The following TBC1D9B variants were observed in gnomAD, a reference collection of about 807,000 sequenced individuals.
TBC1D9B encodes TBC1 domain family, member 9B (with GRAM domain).
In TBC1D9B, 87 loss-of-function variants were observed where a neutral mutation model predicts 121.1. The observed-to-expected ratio is 0.72, with a 90% CI of 0.60 to 0.86. TBC1D9B has a LOEUF of 0.86. Ranked by LOEUF, TBC1D9B falls within the 40% of genes least tolerant of loss-of-function variation. The pLI, the probability that TBC1D9B is intolerant of heterozygous loss-of-function variation, is 0.00. For synonymous variants in TBC1D9B, 668 were observed against 670.1 expected, an observed-to-expected ratio of 1.00 and a Z score of 0.05; for missense variants, 1,540 against 1,628.6, an observed-to-expected ratio of 0.95 and a Z score of 0.94.
rs190675696 is a variant in TBC1D9B at position 179,870,776 on chromosome 5, C to A, written c.2485-281G>T. On this transcript the variant is annotated intron_variant, in intron 15 of 20. Transcript: ENST00000355235. ...CCAGAGAAGGGCTGAGCCTTCCTGG[C>A]AGGGCTCCAGGGAAACAAGAGGCCT... 1.6e-5 allele frequency: 7 copies of A among 442,052 alleles called. No homozygotes were observed. The South Asian group carries it at 2.3e-4, about 15-fold the overall frequency. 27.4% of individuals were successfully genotyped at this position (442,052 alleles called of 1,614,324 possible). A position where few individuals can be genotyped will look rare whatever the true frequency, so the allele number is the denominator to read the frequency against.
chr5:179,889,449 G>A (rs573259263), intron 6 of TBC1D9B, among the ~76,000 whole-genome samples: 112 of 149,114 alleles, frequency 7.5e-4, no homozygotes, highest in African/African-American at 2.8e-3. Flanking sequence ...TGGGAGAGGC[G>A]CACAGAAGGT....
intron 6 of TBC1D9B, among the ~76,000 whole-genome samples, chr5:179,889,387 G>T (rs762975229): frequency 2.6e-5 from 4 of 152,066 alleles, no homozygotes; most frequent in Admixed American, 1.3e-4. Context: ...CTGGGCGCAG[G>T]TCTGAGAGGG....
chr5:179,870,215 A>T, intron 16 of TBC1D9B, 40 bp downstream of exon 16: 1 of 1,608,366 alleles, frequency 6.2e-7, no homozygotes, highest in South Asian at 1.1e-5. Context: ...GGAAAGGGTG[A>T]GGGAGGGTCA....
At chr5:179,879,577 C>T (rs1760469140) in intron 8 of TBC1D9B, 51 bp downstream of exon 8, 1 of 1,612,604 alleles carries the variant, frequency 6.2e-7, no homozygotes, top group East Asian at 2.2e-5. Context: ...AGCTTTCCTC[C>T]TGAGGGCTCC....
At chr5:179,867,303 G>T in intron 18 of TBC1D9B, 11 of 943,482 alleles carry the variant, frequency 1.2e-5, no homozygotes, top group Non-Finnish European at 6.2e-6. Context: ...GGAGTGGCTT[G>T]CTTCTGGGTC....
At chr5:179,880,508 C>A (rs1056874236) in intron 7 of TBC1D9B, among the ~76,000 whole-genome samples, 1 of 152,134 alleles carries the variant, frequency 6.6e-6, no homozygotes, top group African/African-American at 2.4e-5. Flanking sequence ...GCTCTGGTCC[C>A]GTGGCCACGG....
chr5:179,903,966 G>A (rs147414163), intron 2 of TBC1D9B, among the ~76,000 whole-genome samples: 121 of 152,318 alleles, frequency 7.9e-4, no homozygotes, highest in Middle Eastern at 3.4e-3. Flanking sequence ...TGCTTTGAAC[G>A]TGCATGTGTC....
Position 179,907,650 on chromosome 5 carries a change from CGCCGCCAGCCCA to C in TBC1D9B, c.118+42_118+53del, listed in dbSNP as rs1177890774. 4.3e-6 allele frequency: 4 copies of C among 932,170 alleles called. No individual in the cohort carries two copies. Among genetic ancestry groups the C allele is most frequent in the South Asian group, 4.7e-5 (1 of 21,104 alleles). The allele number at this position is 932,170 out of a possible 1,614,324, so 57.7% of individuals were successfully genotyped here. ...CCCGCCCGCCGCCCGCCGCCAGCCC[CGCCGCCAGCCCA>C]GCCGCGGCGCCCACAGGCCCGGCCG... On this transcript the variant is annotated intron_variant, in intron 1 of 20. Transcript: ENST00000355235. This position sits in a 1 kb window ranked among gnomAD's most constrained non-coding sequence, Gnocchi z 5.3.
intron 2 of TBC1D9B, among the ~76,000 whole-genome samples, chr5:179,901,644 G>A (rs912708479): frequency 2.6e-5 from 4 of 152,298 alleles, no homozygotes; most frequent in South Asian, 2.1e-4. Context: ...GCATGGTTGC[G>A]TGGGCCTGCA....
Position 179,874,987 on chromosome 5 carries a change from G to T in TBC1D9B, c.2101C>A (p.Gln701Lys), listed in dbSNP as rs759722234. The change falls in exon 12 of 21, where the codon CAG becomes AAG. Residue 701 changes from glutamine to lysine, a missense_variant. Gln to Lys is a moderately conservative substitution (Grantham distance 53). Coordinates refer to ENST00000355235, the MANE Select transcript of TBC1D9B (RefSeq NM_015043.4). The surrounding 1 kb of genome is among the most constrained non-coding windows in gnomAD (Gnocchi z 4.3). ...FFYEGIKVILQVALAVLDANM... is the reference protein window; with the variant it reads ...FFYEGIKVILKVALAVLDANM... ...GCGTCCAGGACGGCCAGGGCCACCT[G>T]CAGGATCACCTTGATGCCCTCATAG... 4 of 1,613,830 alleles carry T rather than the reference G, an allele frequency of 2.5e-6. No homozygotes were observed. Among genetic ancestry groups the T allele is most frequent in the Non-Finnish European group, 3.4e-6 (4 of 1,180,054 alleles).
rs1760672976 is a variant in TBC1D9B at position 179,885,957 on chromosome 5, G to A, written c.1254+2146C>T. The stretch of plus-strand genomic sequence containing the variant: ...CTCCTACACCTGGTCAGTCTCCTAA[G>A]CCCTGGTCCCAGAAGCCCGTGCCAC... On this transcript the variant is annotated intron_variant, in intron 7 of 20. Transcript: ENST00000355235. This position sits in a 1 kb window ranked among gnomAD's most constrained non-coding sequence, Gnocchi z 4.5. Among the ~76,000 whole-genome samples, 2 of 152,190 alleles carry A rather than the reference G, an allele frequency of 1.3e-5. No individual in the cohort carries two copies. Among genetic ancestry groups the A allele is most frequent in the Admixed American group, 1.3e-4 (2 of 15,286 alleles).
Position 179,862,677 on chromosome 5 carries a change from GGGA to G in TBC1D9B, c.*768_*770del. The G allele has an allele frequency of 2.3e-6, 1 of 438,410 alleles. No individual in the cohort carries two copies. Among genetic ancestry groups the G allele is most frequent in the Non-Finnish European group, 4.7e-6 (1 of 211,538 alleles). 27.2% of individuals were successfully genotyped at this position (438,410 alleles called of 1,614,324 possible). On this transcript the variant is annotated 3_prime_UTR_variant, in exon 21 of 21. Coordinates refer to ENST00000355235, the MANE Select transcript of TBC1D9B (RefSeq NM_015043.4). Reference sequence around the variant, plus strand: ...CAGCCAGGGCCCCATACTTGGCCTGGGGAGAAGTTGGGAGGCCTAAGCAGTGGT... The same window carrying G: ...CAGCCAGGGCCCCATACTTGGCCTGGGAAGTTGGGAGGCCTAAGCAGTGGT...
rs1396575396 is a variant in TBC1D9B at position 179,879,483 on chromosome 5, C to G, written c.1416+145G>C. 4.6e-6 allele frequency: 6 copies of G among 1,313,806 alleles called. No homozygotes were observed. In the East Asian group the frequency reaches 9.2e-5, roughly 20 times the overall value. 81.4% of individuals were successfully genotyped at this position (1,313,806 alleles called of 1,614,324 possible). A position where few individuals can be genotyped will look rare whatever the true frequency, so the allele number is the denominator to read the frequency against. ...CCCAGAGAGTGCCTGCTCCGTCTCA[C>G]GCTGCCAGGGTGCAGCCTGGGTGGG... On this transcript the variant is annotated intron_variant, in intron 8 of 20. Transcript: ENST00000355235.
intron 15 of TBC1D9B, chr5:179,870,720 GC>G (rs1760167761): frequency 1.5e-6 from 1 of 649,620 alleles, no homozygotes; most frequent in African/African-American, 1.8e-5. Context: ...GTCCTTGGCA[GC>G]CTGCAGGGGG....
intron 1 of TBC1D9B, among the ~76,000 whole-genome samples, chr5:179,906,803 T>C (rs1761331458): frequency 1.3e-5 from 2 of 152,244 alleles, no homozygotes; most frequent in Non-Finnish European, 2.9e-5. Flanking sequence ...TCAGGATGAT[T>C]CACAGAAAAT....
Position 179,875,174 on chromosome 5 carries a change from G to C in TBC1D9B, c.1914C>G (p.Asp638Glu). The C allele has an allele frequency of 6.2e-7, 1 of 1,613,232 alleles. No homozygotes were observed. Among genetic ancestry groups the C allele is most frequent in the Non-Finnish European group, 8.5e-7 (1 of 1,179,938 alleles). Residue 638 changes from aspartate to glutamate, a missense_variant, in exon 12 of 21, where the codon GAC becomes GAG. Coordinates refer to ENST00000355235, the MANE Select transcript of TBC1D9B (RefSeq NM_015043.4). The surrounding 1 kb of genome is among the most constrained non-coding windows in gnomAD (Gnocchi z 4.5). Reference sequence around the variant, plus strand: ...TCGTGAGCTCTTCGAAGATGCCTTGGTCCACCAGGGCTCCTGCGGGCAGGA... The same window carrying C: ...TCGTGAGCTCTTCGAAGATGCCTTGCTCCACCAGGGCTCCTGCGGGCAGGA... ...YNTRVVGALVDQGIFEELTRD... is the reference protein window; with the variant it reads ...YNTRVVGALVEQGIFEELTRD...
At chr5:179,881,313 T>C (rs984449309) in intron 7 of TBC1D9B, among the ~76,000 whole-genome samples, 4 of 152,188 alleles carry the variant, frequency 2.6e-5, no homozygotes, top group African/African-American at 7.2e-5. Context: ...CTTGCCATCC[T>C]TGCATCCCAC....
rs1554098283 is a variant in TBC1D9B, at chr5:179,904,220, C to CTTTCTTTTTTTTTTTTTTT, written c.229+481_229+482insAAAAAAAAAAAAAAAGAAA. On this transcript the variant is annotated intron_variant, in intron 2 of 20. Transcript: ENST00000355235. This position sits in a 1 kb window ranked among gnomAD's most constrained non-coding sequence, Gnocchi z 4.2. The stretch of plus-strand genomic sequence containing the variant: ...CTGTCCCCATGACCAGTGGAGCTGC[C>CTTTCTTTTTTTTTTTTTTT]TTTTTTTTTTTTTTTTTTTTTTGAG... Among the ~76,000 whole-genome samples, 2 of 80,898 alleles carry CTTTCTTTTTTTTTTTTTTT rather than the reference C, an allele frequency of 2.5e-5. 1 individual carries two copies. The highest frequency in any genetic ancestry group is 1.0e-4 in the African/African-American group (2 of 19,972). The allele number at this position is 80,898 out of a possible 152,430, so 53.1% of individuals were successfully genotyped here.
chr5:179,902,551 G>T lies in TBC1D9B; in HGVS notation c.229+2151C>A, dbSNP rs1761192972. On this transcript the variant is annotated intron_variant, in intron 2 of 20. Coordinates refer to ENST00000355235, the MANE Select transcript of TBC1D9B (RefSeq NM_015043.4). This position sits in a 1 kb window ranked among gnomAD's most constrained non-coding sequence, Gnocchi z 4.9. ...CAGGAGGGGAGAGGTCAAGTGTGTG[G>T]CACGGGGCTACGTACATGGGCTCCG... Among the ~76,000 whole-genome samples the T allele has an allele frequency of 6.6e-6, 1 of 152,154 alleles. No homozygotes were observed. Among genetic ancestry groups the T allele is most frequent in the Non-Finnish European group, 1.5e-5 (1 of 68,020 alleles).
Sources: allele counts gnomAD v4.1 joint callset (sites outside exome capture counted in the v4.1 genomes callset), GRCh38; gene constraint gnomAD v4.1.1; non-coding constraint Gnocchi (gnomAD v3.1); transcripts MANE v1.5; gene names NCBI Gene and HGNC (gene_info 2026-07-23, HGNC 2026-07-21).